EPC1: variants seen among roughly 807,000 people sequenced by gnomAD.
The protein encoded by EPC1 is enhancer of polycomb homolog 1.
In EPC1, 12 loss-of-function variants were observed where a neutral mutation model predicts 98.4. The observed-to-expected ratio is 0.12, with a 90% confidence interval of 0.08 to 0.20. The LOEUF (loss-of-function observed/expected upper bound fraction) is 0.20. Ranked by LOEUF, EPC1 falls within the 10% of genes least tolerant of loss-of-function variation. The pLI, the probability that EPC1 is intolerant of heterozygous loss-of-function variation, is 1.00. For synonymous variants in EPC1, 357 were observed against 363.9 expected (o/e 0.98, Z 0.21); for missense variants, 729 against 990.5 (o/e 0.74, Z 3.54).
chr10:32,319,296 C>T lies in EPC1; in HGVS notation c.154-13365G>A, dbSNP rs541314037. Among the ~76,000 whole-genome samples, 3 of 152,298 alleles carry T rather than the reference C, an allele frequency of 2.0e-5. No homozygotes were observed. In the South Asian group the frequency reaches 6.2e-4, roughly 32 times the overall value. ...TGGAAAAAAATTCTTGATAGAGATTCCATGACCCCTGAACAACCTGCCTCA... is the reference window on the plus strand; with the variant it reads ...TGGAAAAAAATTCTTGATAGAGATTTCATGACCCCTGAACAACCTGCCTCA... On this transcript the variant is annotated intron_variant, in intron 1 of 13. Transcript: ENST00000319778.
chr10:32,333,222 C>A (rs757042645), intron 1 of EPC1, among the ~76,000 whole-genome samples: 3 of 152,140 alleles, frequency 2.0e-5, no homozygotes, highest in Non-Finnish European at 4.4e-5. Flanking sequence ...CGCCTGTAGT[C>A]CCAGCTACTC....
rs114480051 is a variant in EPC1 at position 32,346,939 on chromosome 10, C to G, written c.-24G>C. ...ATCTCAGGCGCAGCAGATACCTCTC[C>G]GCTCTGGGGAAACGGCCCCGGCCAG... On this transcript the variant is annotated 5_prime_UTR_variant, in exon 1 of 14. Coordinates refer to ENST00000319778, the MANE Select transcript of EPC1 (RefSeq NM_001272004.3). 2 of 1,610,562 alleles carry G rather than the reference C, an allele frequency of 1.2e-6. No individual in the cohort carries two copies. Among genetic ancestry groups the G allele is most frequent in the Non-Finnish European group, 1.7e-6 (2 of 1,179,718 alleles).
intron 1 of EPC1, among the ~76,000 whole-genome samples, chr10:32,307,382 C>T (rs1393789992): frequency 6.6e-6 from 1 of 152,194 alleles, no homozygotes; most frequent in Non-Finnish European, 1.5e-5. Flanking sequence ...ACACATATTC[C>T]TCATTCCTTA....
At position 32,305,942 on chromosome 10, in the gene EPC1, G is replaced by T. The variant is rs764690353; in HGVS notation, c.154-11C>A. On this transcript the variant is annotated splice_polypyrimidine_tract_variant and intron_variant, in intron 1 of 13. Transcript: ENST00000319778. ...CTGAAGATGATGTTCCTAAAAAGAA[G>T]AAAAAACAGGTAAGTTCATGTATTT... is the stretch of plus-strand genomic sequence containing the variant. 3 of 1,585,762 alleles carry T rather than the reference G, an allele frequency of 1.9e-6. No homozygotes were observed. The South Asian group carries it at 3.5e-5, about 19-fold the overall frequency.
chr10:32,342,749 C>T (rs555122629), intron 1 of EPC1, among the ~76,000 whole-genome samples: 2 of 152,292 alleles, frequency 1.3e-5, no homozygotes, highest in South Asian at 4.1e-4. Context: ...AATGGAACAA[C>T]GCACCCTAGA....
At chr10:32,321,423 C>G (rs80022208) in intron 1 of EPC1, among the ~76,000 whole-genome samples, 3 of 151,772 alleles carry the variant, frequency 2.0e-5, no homozygotes, top group African/African-American at 7.3e-5. Flanking sequence ...CAAGCACAAA[C>G]GGCACTTTAC....
intron 1 of EPC1, among the ~76,000 whole-genome samples, chr10:32,315,700 G>A (rs1836509568): frequency 6.6e-6 from 1 of 152,132 alleles, no homozygotes; most frequent in South Asian, 2.1e-4. Flanking sequence ...ACCCAAACAA[G>A]TAACTCTATG....
chr10:32,341,306 T>G (rs1422710063), intron 1 of EPC1, among the ~76,000 whole-genome samples: 2 of 138,708 alleles, frequency 1.4e-5, no homozygotes, highest in South Asian at 2.4e-4. Context: ...CTTTAAAACA[T>G]GGACACATGT....
chr10:32,336,999 G>A (rs913870750), intron 1 of EPC1, among the ~76,000 whole-genome samples: 3 of 151,846 alleles, frequency 2.0e-5, no homozygotes, highest in South Asian at 2.1e-4. Flanking sequence ...CCTAATTATG[G>A]GCCATATTTT....
chr10:32,370,393 C>T (rs1360128131), intron 1 of EPC1, among the ~76,000 whole-genome samples: 1 of 152,136 alleles, frequency 6.6e-6, no homozygotes, highest in Non-Finnish European at 1.5e-5. Flanking sequence ...GCTTCAATAG[C>T]CGTAAGCCTG....
rs1835855813 is a variant in EPC1 at position 32,271,770 on chromosome 10, G to A, written c.2153C>T (p.Ala718Val). The A allele has an allele frequency of 6.2e-7, 1 of 1,614,200 alleles. No individual in the cohort carries two copies. Among genetic ancestry groups the A allele is most frequent in the Non-Finnish European group, 8.5e-7 (1 of 1,180,034 alleles). Residue 718 changes from alanine to valine, a missense_variant, in exon 13 of 14, where the codon GCT becomes GTT. Coordinates refer to ENST00000319778, the MANE Select transcript of EPC1 (RefSeq NM_001272004.3). ...AACCTGAGTTGTTGCAGAATTGGCAGCAGTTACTTGATGACTCAGTGCACT... is the reference window on the plus strand; with the variant it reads ...AACCTGAGTTGTTGCAGAATTGGCAACAGTTACTTGATGACTCAGTGCACT... ...SHSALSHQVT[A>V]ANSATTQVLI...
In EPC1 at chr10:32,339,651, C is replaced by T. The variant is rs546054661; in HGVS notation, c.153+7112G>A. Among the ~76,000 whole-genome samples, 26 of 152,292 alleles carry T rather than the reference C, an allele frequency of 1.7e-4. No homozygotes were observed. In the South Asian group the frequency reaches 4.6e-3, roughly 27 times the overall value. On this transcript the variant is annotated intron_variant, in intron 1 of 13. Coordinates refer to ENST00000319778, the MANE Select transcript of EPC1 (RefSeq NM_001272004.3). ...ATACATCTAACACTTTTATGTCACA[C>T]AATCCCAAATACAAAATATAATGTT...
chr10:32,347,094 C>CTCCTCTCTCGCT lies in EPC1; in HGVS notation c.-191_-180dup. On this transcript the variant is annotated 5_prime_UTR_variant, in exon 1 of 14. Transcript: ENST00000319778. ...GAGGGTGGGAGGCTGTGCCGCTCCG[C>CTCCTCTCTCGCT]TCCTCTCTCGCTCGCTCTCTTCAAT... 1 of 1,442,804 alleles carries CTCCTCTCTCGCT rather than the reference C, an allele frequency of 6.9e-7. No individual in the cohort carries two copies. The highest frequency in any genetic ancestry group is 9.1e-7 in the Non-Finnish European group (1 of 1,104,478). 89.4% of individuals were successfully genotyped at this position (1,442,804 alleles called of 1,614,324 possible). A position where few individuals can be genotyped will look rare whatever the true frequency, so the allele number is the denominator to read the frequency against.
At chr10:32,284,436 G>A (rs950364473) in intron 10 of EPC1, 2 of 317,204 alleles carry the variant, frequency 6.3e-6, no homozygotes, top group East Asian at 5.3e-5. Flanking sequence ...TGTGGTTCAC[G>A]GACTATATCC....
intron 1 of EPC1, among the ~76,000 whole-genome samples, chr10:32,318,295 A>T (rs899314197): frequency 1.3e-5 from 2 of 152,240 alleles, no homozygotes; most frequent in African/African-American, 4.8e-5. Flanking sequence ...AAATACAGAT[A>T]CAAATGTGTC....
chr10:32,325,319 G>A (rs1837208639), intron 1 of EPC1, among the ~76,000 whole-genome samples: 1 of 152,172 alleles, frequency 6.6e-6, no homozygotes, highest in Non-Finnish European at 1.5e-5. Context: ...TCATTTCAAA[G>A]ATTATTTACA....
chr10:32,346,694 TCCGCCG>T, intron 1 of EPC1, 63 bp downstream of exon 1: 1 of 1,498,558 alleles, frequency 6.7e-7, no homozygotes, highest in Non-Finnish European at 9.2e-7. Context: ...GGTTTGCTGC[TCCGCCG>T]CCGCCGCAGG....
At chr10:32,289,642 T>C (rs938520698) in intron 6 of EPC1, among the ~76,000 whole-genome samples, 52 of 151,754 alleles carry the variant, frequency 3.4e-4, no homozygotes, top group Admixed American at 2.2e-3. Flanking sequence ...TTTTTTTTTT[T>C]AGACGGAGTC....
intron 1 of EPC1, among the ~76,000 whole-genome samples, chr10:32,323,922 TTAGAAA>T (rs1456778436): frequency 3.3e-5 from 5 of 152,170 alleles, no homozygotes; most frequent in Non-Finnish European, 7.3e-5. Context: ...TAAATTGTTA[TTAGAAA>T]TAGTTTATTT....
Sources: gnomAD v4.1 joint callset for allele counts (sites outside exome capture counted in the v4.1 genomes callset) on GRCh38, gnomAD v4.1.1 for gene constraint, MANE v1.5 for transcripts, NCBI Gene and HGNC (gene_info 2026-07-23, HGNC 2026-07-21) for gene names.